GNAI1: variants seen among roughly 807,000 people sequenced by gnomAD.
The protein encoded by GNAI1 is G protein subunit alpha i1.
In GNAI1, 11 loss-of-function variants were observed where a neutral mutation model predicts 38.9. The ratio of observed to expected loss-of-function variants is 0.28; its 90% CI spans 0.18 to 0.47. The LOEUF (loss-of-function observed/expected upper bound fraction) is 0.47. Among genes scored for constraint, GNAI1 ranks in the 20% least tolerant of loss-of-function variants. GNAI1 has a pLI of 0.99. For synonymous variants in GNAI1, 166 were observed against 145.1 expected, an observed-to-expected ratio of 1.14 and a Z score of -1.04; for missense variants, 317 against 436.9, an observed-to-expected ratio of 0.73 and a Z score of 2.45.
intron 3 of GNAI1, among the ~76,000 whole-genome samples, chr7:80,192,937 G>A (rs1036518165): frequency 3.3e-5 from 5 of 151,998 alleles, no homozygotes; most frequent in South Asian, 2.1e-4. Context: ...GACCTCAGGC[G>A]ATCCACCTGC....
intron 1 of GNAI1, among the ~76,000 whole-genome samples, chr7:80,166,564 AC>A (rs1788013203): frequency 6.6e-6 from 1 of 152,184 alleles, no homozygotes; most frequent in Non-Finnish European, 1.5e-5. Flanking sequence ...CCATTTACAT[AC>A]TGATATTAAT....
intron 1 of GNAI1, among the ~76,000 whole-genome samples, chr7:80,160,017 G>T (rs1787893587): frequency 6.6e-6 from 1 of 152,146 alleles, no homozygotes; most frequent in Non-Finnish European, 1.5e-5. Flanking sequence ...TTAACTATCA[G>T]TAAATAAAGG....
intron 1 of GNAI1, among the ~76,000 whole-genome samples, chr7:80,150,094 G>A (rs1029919536): frequency 6.6e-6 from 1 of 152,116 alleles, no homozygotes; most frequent in Non-Finnish European, 1.5e-5. Context: ...TTGGTTGGGA[G>A]CATCAATTGG....
rs145567333 is a variant in GNAI1, at chr7:80,204,252, C to T, written c.590+420C>T. The stretch of plus-strand genomic sequence containing the variant: ...AGAAGAGCACCTTTAACAATTTTTT[C>T]GTGAACAGTTTTCTTCATAGGGAAC... On this transcript the variant is annotated intron_variant, in intron 5 of 7. Coordinates refer to ENST00000649796, the MANE Select transcript of GNAI1 (RefSeq NM_002069.6). Among the ~76,000 whole-genome samples, 466 of 152,056 alleles carry T rather than the reference C, an allele frequency of 3.1e-3. 3 individuals are homozygous for T. The highest frequency in any genetic ancestry group is 0.01 in the African/African-American group (428 of 41,488).
intron 1 of GNAI1, among the ~76,000 whole-genome samples, chr7:80,163,868 G>T (rs1242998537): frequency 6.6e-6 from 1 of 151,954 alleles, no homozygotes; most frequent in Non-Finnish European, 1.5e-5. Context: ...CTAGGCCTCA[G>T]ATATGGTCCA....
At chr7:80,167,418 G>A (rs1043899582) in intron 1 of GNAI1, among the ~76,000 whole-genome samples, 5 of 152,248 alleles carry the variant, frequency 3.3e-5, no homozygotes, top group East Asian at 3.9e-4. Flanking sequence ...AAAGATTTTC[G>A]TATTTTACTT....
At chr7:80,207,769 A>G (rs1253440791) in intron 5 of GNAI1, among the ~76,000 whole-genome samples, 2 of 152,088 alleles carry the variant, frequency 1.3e-5, no homozygotes, top group African/African-American at 2.4e-5. Context: ...TCAGTTTCAC[A>G]TTAAAAAATG....
chr7:80,216,570 T>G (rs912910558), intron 7 of GNAI1, among the ~76,000 whole-genome samples: 1 of 152,190 alleles, frequency 6.6e-6, no homozygotes, highest in South Asian at 2.1e-4. Flanking sequence ...CTTAGGAGAT[T>G]AATTCATGTT....
At chr7:80,164,601 A>C (rs909973436) in intron 1 of GNAI1, among the ~76,000 whole-genome samples, 2 of 152,054 alleles carry the variant, frequency 1.3e-5, no homozygotes, top group African/African-American at 4.8e-5. Context: ...TGACCTCGTG[A>C]TCTGCCTGCC....
chr7:80,214,708 A>G (rs531983300), intron 7 of GNAI1, among the ~76,000 whole-genome samples: 1 of 152,294 alleles, frequency 6.6e-6, no homozygotes, highest in African/African-American at 2.4e-5. Context: ...TGGCTGTGGA[A>G]GAACCCTGTG....
At chr7:80,217,150 T>C (rs529896179) in intron 7 of GNAI1, among the ~76,000 whole-genome samples, 153 bp from the exon 8 acceptor site, 50 of 140,798 alleles carry the variant, frequency 3.6e-4, no homozygotes, top group Non-Finnish European at 6.6e-4. Flanking sequence ...AGAAATAGTG[T>C]CTCCCATTCT....
At chr7:80,202,296 G>A (rs917323231) in intron 4 of GNAI1, among the ~76,000 whole-genome samples, 2 of 152,042 alleles carry the variant, frequency 1.3e-5, no homozygotes, top group Admixed American at 1.3e-4. Flanking sequence ...CACCATGTTG[G>A]CCAGGATGGT....
At chr7:80,158,403 A>G (rs568277945) in intron 1 of GNAI1, among the ~76,000 whole-genome samples, 5 of 152,100 alleles carry the variant, frequency 3.3e-5, no homozygotes, top group African/African-American at 1.2e-4. Flanking sequence ...CCCTACCCAA[A>G]TCTCATCTCG....
At chr7:80,191,295 G>A (rs1014517996) in intron 3 of GNAI1, among the ~76,000 whole-genome samples, 2 of 151,936 alleles carry the variant, frequency 1.3e-5, no homozygotes, top group East Asian at 3.8e-4. Flanking sequence ...CGAGGAAGGG[G>A]CATTGAAACT....
rs557813346 is a variant in GNAI1, at chr7:80,221,592, A to G, written c.*4099A>G. On this transcript the variant is annotated 3_prime_UTR_variant, in exon 8 of 8. Coordinates refer to ENST00000649796, the MANE Select transcript of GNAI1 (RefSeq NM_002069.6). ...CACTTCTGTCGTTTTAATGTAACCA[A>G]TAGTATGAGAGAGTTTATATTTTAA... Among the ~76,000 whole-genome samples, 74 of 150,612 alleles carry G rather than the reference A, an allele frequency of 4.9e-4. No homozygotes were observed. Among genetic ancestry groups the G allele is most frequent in the African/African-American group, 1.6e-3 (65 of 41,032 alleles).
In GNAI1 at chr7:80,219,065, A is replaced by G. The variant is rs1789027323; in HGVS notation, c.*1572A>G. 2 of 85,340 alleles carry G rather than the reference A, an allele frequency of 2.3e-5. No individual in the cohort carries two copies. Among genetic ancestry groups the G allele is most frequent in the South Asian group, 3.7e-4 (1 of 2,692 alleles). The allele number at this position is 85,340 out of a possible 1,614,324, so 5.3% of individuals were successfully genotyped here. On this transcript the variant is annotated 3_prime_UTR_variant, in exon 8 of 8. Coordinates refer to ENST00000649796, the MANE Select transcript of GNAI1 (RefSeq NM_002069.6). ...TGTGTGTGTGTGTGTGTGTGTAACC[A>G]TAAACTATATTCATATCTGTTTCAT...
At chr7:80,213,871 G>GT (rs1788915772) in intron 7 of GNAI1, among the ~76,000 whole-genome samples, 5 of 151,134 alleles carry the variant, frequency 3.3e-5, no homozygotes, top group Non-Finnish European at 7.4e-5. Context: ...TCAAGAATTT[G>GT]TTTTTTTATA....
intron 3 of GNAI1, 52 bp downstream of exon 3, chr7:80,189,283 G>C (rs751622356): frequency 1.5e-4 from 220 of 1,460,916 alleles, no homozygotes; most frequent in Admixed American, 1.8e-5. Flanking sequence ...AGAATAACTT[G>C]TATGCTAATA....
chr7:80,191,707 A>T (rs1437545159), intron 3 of GNAI1, among the ~76,000 whole-genome samples: 1 of 152,198 alleles, frequency 6.6e-6, no homozygotes, highest in Admixed American at 6.5e-5. Flanking sequence ...CAGTATATTC[A>T]AAAGAAGTCT....
Sources: allele counts gnomAD v4.1 joint callset (sites outside exome capture counted in the v4.1 genomes callset), GRCh38; gene constraint gnomAD v4.1.1; transcripts MANE v1.5; gene names NCBI Gene and HGNC (gene_info 2026-07-23, HGNC 2026-07-21).